DLGAP4: variants seen among roughly 807,000 people sequenced by gnomAD.
The protein encoded by DLGAP4 is disks large-associated protein 4.
DLGAP4 carries 18 observed loss-of-function variants against 86.9 expected under a neutral mutation model. The ratio of observed to expected loss-of-function variants is 0.21; its 90% confidence interval spans 0.14 to 0.31. The LOEUF is 0.31. DLGAP4 is among the 10% of genes least tolerant of loss of function. DLGAP4 has a pLI of 1.00. For missense variants in DLGAP4, 1,085 were observed against 1,362.6 expected, an observed-to-expected ratio of 0.80 and a Z score of 3.21; for synonymous variants, 548 against 574.3, an observed-to-expected ratio of 0.95 and a Z score of 0.65.
chr20:36,350,198 C>T lies in DLGAP4; in HGVS notation c.-303-16847C>T, dbSNP rs1426664820. On this transcript the variant is annotated intron_variant, in intron 1 of 12. Coordinates refer to ENST00000339266, the MANE Select transcript of DLGAP4 (RefSeq NM_001365621.2). The surrounding 1 kb of genome is among the most constrained non-coding windows in gnomAD (Gnocchi z 4.4). ...CGGGTGCCAAGCCTGGATCGTCCCCCGAGCTCAGCTTGCCCTTAGGCCCCC... is the reference window on the plus strand; with the variant it reads ...CGGGTGCCAAGCCTGGATCGTCCCCTGAGCTCAGCTTGCCCTTAGGCCCCC... Among the ~76,000 whole-genome samples the T allele has an allele frequency of 2.0e-5, 3 of 152,222 alleles. No homozygotes were observed. Among genetic ancestry groups the T allele is most frequent in the African/African-American group, 7.2e-5 (3 of 41,448 alleles).
At chr20:36,359,989 G>T (rs2030462470) in intron 1 of DLGAP4, among the ~76,000 whole-genome samples, 4 of 152,180 alleles carry the variant, frequency 2.6e-5, no homozygotes, top group Admixed American at 1.3e-4. Context: ...GTAGGGGCAT[G>T]CGTCCTCTCT....
At chr20:36,436,583 G>C (rs570279189) in intron 4 of DLGAP4, among the ~76,000 whole-genome samples, 2 of 152,148 alleles carry the variant, frequency 1.3e-5, no homozygotes, top group African/African-American at 2.4e-5. Flanking sequence ...TTGGGAGGTC[G>C]AGGCGGGTGG....
At chr20:36,512,934 T>TC (rs2036799495) in intron 10 of DLGAP4, among the ~76,000 whole-genome samples, 1 of 80,414 alleles carries the variant, frequency 1.2e-5, no homozygotes, top group Non-Finnish European at 2.3e-5. Flanking sequence ...AGAGGCCCTT[T>TC]TTTTTTTTTT....
intron 7 of DLGAP4, among the ~76,000 whole-genome samples, chr20:36,453,284 C>CGAG (rs1356983973): frequency 6.6e-6 from 1 of 152,136 alleles, no homozygotes; most frequent in Non-Finnish European, 1.5e-5. Flanking sequence ...AGTGAGACTC[C>CGAG]ATCTCTACAA....
intron 7 of DLGAP4, among the ~76,000 whole-genome samples, chr20:36,449,877 T>G (rs2033690696): frequency 1.3e-5 from 2 of 152,204 alleles, no homozygotes; most frequent in South Asian, 4.1e-4. Flanking sequence ...CAATTCACAT[T>G]TATTTCTTGC....
At chr20:36,314,074 C>T (rs915986470) in intron 1 of DLGAP4, among the ~76,000 whole-genome samples, 103 of 152,094 alleles carry the variant, frequency 6.8e-4, no homozygotes, top group African/African-American at 2.0e-3. Flanking sequence ...CCTGCCACCT[C>T]GGGGTGTGAG....
chr20:36,410,391 G>A (rs530598352), intron 2 of DLGAP4, among the ~76,000 whole-genome samples: 3 of 152,288 alleles, frequency 2.0e-5, no homozygotes, highest in South Asian at 2.1e-4. Context: ...CAACTCCCTC[G>A]CCCTTCCATG....
intron 1 of DLGAP4, among the ~76,000 whole-genome samples, chr20:36,334,112 C>A (rs906502839): frequency 6.6e-6 from 1 of 152,212 alleles, no homozygotes; most frequent in Non-Finnish European, 1.5e-5. Flanking sequence ...AGAAGCACAG[C>A]GGTGAACAAG....
intron 7 of DLGAP4, 55 bp downstream of exon 7, chr20:36,446,992 A>AGGT: frequency 1.1e-5 from 17 of 1,546,602 alleles, no homozygotes; most frequent in Non-Finnish European, 1.5e-5. Context: ...GACCCCAAGG[A>AGGT]CCATACCTGG....
intron 6 of DLGAP4, 101 bp from the exon 7 acceptor site, chr20:36,446,596 C>T (rs995284852): frequency 1.7e-6 from 2 of 1,160,484 alleles, no homozygotes; most frequent in East Asian, 2.4e-5. Context: ...AGGTCAGACC[C>T]CACAGACTGT....
chr20:36,315,815 T>C lies in DLGAP4; in HGVS notation c.-304+9303T>C, dbSNP rs1233240033. 2.0e-5 allele frequency among the ~76,000 whole-genome samples: 3 copies of C among 152,224 alleles called. No homozygotes were observed. The East Asian group carries it at 5.8e-4, about 30-fold the overall frequency. ...TCCCCAAGCCTTCCCGGCACTGGCATGGGGTGTTGGCTGCCTGCCCACTGC... is the reference window on the plus strand; with the variant it reads ...TCCCCAAGCCTTCCCGGCACTGGCACGGGGTGTTGGCTGCCTGCCCACTGC... On this transcript the variant is annotated intron_variant, in intron 1 of 12. Coordinates refer to ENST00000339266, the MANE Select transcript of DLGAP4 (RefSeq NM_001365621.2).
At chr20:36,333,229 G>A (rs895108177) in intron 1 of DLGAP4, among the ~76,000 whole-genome samples, 5 of 152,052 alleles carry the variant, frequency 3.3e-5, no homozygotes, top group Non-Finnish European at 7.4e-5. Flanking sequence ...AGGGCATCAG[G>A]GCAGCATACT....
intron 12 of DLGAP4, 104 bp downstream of exon 12, chr20:36,526,110 C>A: frequency 1.3e-6 from 2 of 1,537,294 alleles, no homozygotes; most frequent in Non-Finnish European, 1.8e-6. Context: ...CTCCGTGTGT[C>A]GTCTTTGAGC....
chr20:36,313,324 C>G (rs2065069339), intron 1 of DLGAP4, among the ~76,000 whole-genome samples: 2 of 152,232 alleles, frequency 1.3e-5, no homozygotes, highest in African/African-American at 4.8e-5. Context: ...GTGGCTGCCA[C>G]TAAGCCCTGG....
chr20:36,399,082 A>G (rs2032080459), intron 2 of DLGAP4, among the ~76,000 whole-genome samples: 1 of 152,182 alleles, frequency 6.6e-6, no homozygotes. Context: ...AATCCCAGCT[A>G]CCTGGGAGCC....
chr20:36,413,836 C>G (rs1433725646), intron 2 of DLGAP4, among the ~76,000 whole-genome samples: 1 of 152,156 alleles, frequency 6.6e-6, no homozygotes, highest in Non-Finnish European at 1.5e-5. Flanking sequence ...GAACTTCATT[C>G]CTTCTTATGG....
chr20:36,462,566 C>G (rs756341055), intron 7 of DLGAP4: 10 of 1,601,960 alleles, frequency 6.2e-6, no homozygotes, highest in South Asian at 1.1e-5. Flanking sequence ...CCATCCGGCC[C>G]TCATGGCTTT....
chr20:36,494,030 C>CCTGCCTCCCTG (rs905884752), intron 7 of DLGAP4, among the ~76,000 whole-genome samples: 6 of 152,220 alleles, frequency 3.9e-5, no homozygotes, highest in Non-Finnish European at 7.3e-5. Flanking sequence ...AGCCCTGCCT[C>CCTGCCTCCCTG]CTGCCTCCCT....
intron 2 of DLGAP4, among the ~76,000 whole-genome samples, chr20:36,402,289 C>T (rs1420357713): frequency 1.3e-5 from 2 of 152,220 alleles, no homozygotes; most frequent in African/African-American, 2.4e-5. Context: ...CACTTACCAA[C>T]TGGGCAAGTC....
Sources: allele counts gnomAD v4.1 joint callset (sites outside exome capture counted in the v4.1 genomes callset), GRCh38; gene constraint gnomAD v4.1.1; non-coding constraint Gnocchi (gnomAD v3.1); transcripts MANE v1.5; gene names NCBI Gene and HGNC (gene_info 2026-07-23, HGNC 2026-07-21).